HAPLN3: variants seen among roughly 807,000 people sequenced by gnomAD.
HAPLN3 encodes extracellular link domain containing, 1.
Under a neutral mutation model 28.1 loss-of-function variants are expected in HAPLN3, and 28 were observed. The ratio of observed to expected loss-of-function variants is 1.00; its 90% confidence interval spans 0.74 to 1.37. The LOEUF is 1.37. HAPLN3 is among the 40% of genes most tolerant of loss of function. HAPLN3 has a pLI of 0.00. For missense variants in HAPLN3, 513 were observed against 504.6 expected, an observed-to-expected ratio of 1.02 and a Z score of -0.16; for synonymous variants, 211 against 213.1, an observed-to-expected ratio of 0.99 and a Z score of 0.09.
intron 2 of HAPLN3, among the ~76,000 whole-genome samples, chr15:88,884,150 A>G (rs1897782290): frequency 6.6e-6 from 1 of 152,184 alleles, no homozygotes; most frequent in Non-Finnish European, 1.5e-5. Context: ...GGGATTATAT[A>G]TGACTTTGCT....
intron 1 of HAPLN3, among the ~76,000 whole-genome samples, chr15:88,887,724 GA>G (rs951320942): frequency 4.6e-5 from 7 of 152,202 alleles, no homozygotes; most frequent in African/African-American, 1.7e-4. Flanking sequence ...AGGACTTTGG[GA>G]GGCTGAGGCG....
At chr15:88,887,746 C>T (rs1317231934) in intron 1 of HAPLN3, among the ~76,000 whole-genome samples, 1 of 152,032 alleles carries the variant, frequency 6.6e-6, no homozygotes, top group Non-Finnish European at 1.5e-5. Flanking sequence ...GGCGGATCAC[C>T]TGAGGTTGGG....
chr15:88,890,091 C>A (rs1384883538), intron 1 of HAPLN3, among the ~76,000 whole-genome samples: 1 of 152,110 alleles, frequency 6.6e-6, no homozygotes, highest in African/African-American at 2.4e-5. Context: ...CAGACACACA[C>A]AGCATTGGCT....
chr15:88,889,993 G>A (rs554147198), intron 1 of HAPLN3, among the ~76,000 whole-genome samples: 2 of 137,366 alleles, frequency 1.5e-5, no homozygotes, highest in African/African-American at 2.7e-5. Context: ...AAGAAGGAAG[G>A]GAGGGAGGGA....
intron 1 of HAPLN3, among the ~76,000 whole-genome samples, chr15:88,894,499 T>C (rs1898102942): frequency 1.3e-5 from 2 of 152,292 alleles, no homozygotes; most frequent in South Asian, 4.1e-4. Flanking sequence ...AGCGAGAAAT[T>C]TGACATCCCT....
chr15:88,881,325 C>T lies in HAPLN3; in HGVS notation c.493+32G>A, dbSNP rs755370536. The T allele has an allele frequency of 5.0e-6, 8 of 1,587,418 alleles. No homozygotes were observed. ...GTCCTCTCCCCTCTGCTCTCAGGTC[C>T]CAGTGTCACCCAGTCCCCGTTAGCA... On this transcript the variant is annotated intron_variant, in intron 3 of 4. Transcript: ENST00000359595. The surrounding 1 kb of genome is among the most constrained non-coding windows in gnomAD (Gnocchi z 6.0).
intron 2 of HAPLN3, among the ~76,000 whole-genome samples, chr15:88,884,803 T>G (rs1223746613): frequency 6.6e-6 from 1 of 151,258 alleles, no homozygotes; most frequent in Non-Finnish European, 1.5e-5. Context: ...AGAGGGAGAT[T>G]TGCATATAAA....
At chr15:88,892,849 T>C (rs1448437074) in intron 1 of HAPLN3, 5 of 1,070,622 alleles carry the variant, frequency 4.7e-6, no homozygotes, top group Non-Finnish European at 6.6e-6. Context: ...CCCTGACCAC[T>C]ACCACTGAGG....
At chr15:88,889,953 G>A (rs1897966364) in intron 1 of HAPLN3, among the ~76,000 whole-genome samples, 1 of 143,818 alleles carries the variant, frequency 7.0e-6, no homozygotes, top group Non-Finnish European at 1.5e-5. Context: ...AGGAAGGGAG[G>A]GAGGACAGAA....
chr15:88,886,147 C>T (rs975771720), intron 2 of HAPLN3, among the ~76,000 whole-genome samples: 37 of 151,406 alleles, frequency 2.4e-4, no homozygotes, highest in Non-Finnish European at 3.8e-4. Flanking sequence ...GTCAAGAGTT[C>T]AGGACCAGCC....
rs201374568 is a variant in HAPLN3 at position 88,877,867 on chromosome 15, GA to G, written c.*102del. On this transcript the variant is annotated 3_prime_UTR_variant, in exon 5 of 5. Transcript: ENST00000359595. This position sits in a 1 kb window ranked among gnomAD's most constrained non-coding sequence, Gnocchi z 5.1. The stretch of plus-strand genomic sequence containing the variant: ...AATGTTTAAAGAAAATTTAAATTGA[GA>G]AGTATAAAAACAGTTAAAATGGCTC... 2,287 of 1,131,594 alleles carry G rather than the reference GA, an allele frequency of 2.0e-3. 94 individuals carry two copies. In the Admixed American group the frequency reaches 0.063, roughly 31 times the overall value. 70.1% of individuals were successfully genotyped at this position (1,131,594 alleles called of 1,614,324 possible). A position where few individuals can be genotyped will look rare whatever the true frequency, so the allele number is the denominator to read the frequency against.
chr15:88,886,739 C>G (rs554017956), intron 2 of HAPLN3, among the ~76,000 whole-genome samples: 1 of 152,156 alleles, frequency 6.6e-6, no homozygotes, highest in Admixed American at 6.5e-5. Flanking sequence ...GCAGGAGAAT[C>G]GCTTGAACCC....
At position 88,879,253 on chromosome 15, in the gene HAPLN3, G is replaced by T; in HGVS notation, c.510C>A (p.Tyr170Ter). Residue 170 changes from tyrosine to a stop codon, truncating the protein, a stop_gained, in exon 4 of 5, where the codon TAC becomes TAA. Coordinates refer to ENST00000359595, the MANE Select transcript of HAPLN3 (RefSeq NM_178232.4). LOFTEE classifies it high-confidence loss of function. This position sits in a 1 kb window ranked among gnomAD's most constrained non-coding sequence, Gnocchi z 5.0. The part of the protein sequence containing the change: ...ELELRGVVFP[Y>*]QSPNGRYQFN... ...ACTGGTAGCGCCCGTTGGGGGACTG[G>T]TAAGGAAAGACCACACCTGCAGGGG... is the stretch of plus-strand genomic sequence containing the variant. 6.2e-7 allele frequency: 1 copy of T among 1,607,852 alleles called. No homozygotes were observed.
intron 2 of HAPLN3, among the ~76,000 whole-genome samples, chr15:88,883,283 G>C (rs973125168): frequency 6.6e-6 from 1 of 152,228 alleles, no homozygotes. Flanking sequence ...GGACTTTCAG[G>C]CTCATTCAGA....
chr15:88,893,949 G>C (rs1010633422), intron 1 of HAPLN3, among the ~76,000 whole-genome samples: 4 of 72,454 alleles, frequency 5.5e-5, no homozygotes, highest in South Asian at 3.9e-4. Context: ...AAAAAGTTGG[G>C]GTGGGGGGGG....
rs775000549 is a variant in HAPLN3, at chr15:88,881,629, T to C, written c.221A>G (p.Tyr74Cys). The change falls in exon 3 of 5, where the codon TAC becomes TGC. Residue 74 changes from tyrosine to cysteine, a missense_variant. Physicochemically the swap from Tyr to Cys is radical, Grantham distance 194 (BLOSUM62 -2). Coordinates refer to ENST00000359595, the MANE Select transcript of HAPLN3 (RefSeq NM_178232.4). The surrounding 1 kb of genome is among the most constrained non-coding windows in gnomAD (Gnocchi z 6.0). ...ASVILPCRYR[Y>C]EPALVSPRRV... ...CCGCGGGGAGACCAGGGCCGGCTCG[T>C]AGCGGTAGCGGCAGGGCAGGATCAC... The C allele has an allele frequency of 2.5e-6, 4 of 1,613,940 alleles. No individual in the cohort carries two copies.
chr15:88,894,547 A>T (rs866850073), intron 1 of HAPLN3, among the ~76,000 whole-genome samples: 7 of 151,996 alleles, frequency 4.6e-5, no homozygotes, highest in South Asian at 2.1e-4. Context: ...CGCCTTTGAA[A>T]CCTGCAGCCC....
Position 88,881,479 on chromosome 15 carries a change from T to C in HAPLN3, c.371A>G (p.Asp124Gly). 6.2e-7 allele frequency: 1 copy of C among 1,614,082 alleles called. No homozygotes were observed. Among genetic ancestry groups the C allele is most frequent in the Non-Finnish European group, 8.5e-7 (1 of 1,180,028 alleles). Residue 124 changes from aspartate to glycine, a missense_variant, in exon 3 of 5, where the codon GAC becomes GGC. Coordinates refer to ENST00000359595, the MANE Select transcript of HAPLN3 (RefSeq NM_178232.4). The surrounding 1 kb of genome is among the most constrained non-coding windows in gnomAD (Gnocchi z 6.0). ...CTCCAGCGAGACGTCATGCTCTTTG[T>C]CCTGCCGCAGGTGCACGCGGCCTTG... ...DYQGRVHLRQ[D>G]KEHDVSLEIQ...
rs1023275662 is a variant in HAPLN3, at chr15:88,895,422, A to G, written c.-48+37T>C. ...GGTAAGGGAGGAACCCGGCCCGCACACAGCCCCAGAAGCCCAGCGACCCCT... is the reference window on the plus strand; with the variant it reads ...GGTAAGGGAGGAACCCGGCCCGCACGCAGCCCCAGAAGCCCAGCGACCCCT... On this transcript the variant is annotated intron_variant, in intron 1 of 4. Transcript: ENST00000359595. This position sits in a 1 kb window ranked among gnomAD's most constrained non-coding sequence, Gnocchi z 5.5. The G allele has an allele frequency of 1.3e-5, 2 of 152,342 alleles. No homozygotes were observed. Among genetic ancestry groups the G allele is most frequent in the Non-Finnish European group, 2.9e-5 (2 of 68,274 alleles). The allele number at this position is 152,342 out of a possible 1,614,324, so 9.4% of individuals were successfully genotyped here. A position where few individuals can be genotyped will look rare whatever the true frequency, so the allele number is the denominator to read the frequency against.
Sources: allele counts gnomAD v4.1 joint callset (sites outside exome capture counted in the v4.1 genomes callset), GRCh38; gene constraint gnomAD v4.1.1; non-coding constraint Gnocchi (gnomAD v3.1); transcripts MANE v1.5; gene names NCBI Gene and HGNC (gene_info 2026-07-23, HGNC 2026-07-21).